The following EGFR variants were observed in gnomAD, a reference collection of about 807,000 sequenced individuals.
The protein encoded by EGFR is avian erythroblastic leukemia viral (v-erb-b) oncogene homolog.
Under a neutral mutation model 143.0 loss-of-function variants are expected in EGFR, and 58 were observed. The ratio of observed to expected loss-of-function variants is 0.41; its 90% CI spans 0.33 to 0.50. EGFR has a LOEUF of 0.50. Among genes scored for constraint, EGFR ranks in the 20% least tolerant of loss-of-function variants. The pLI, the probability that EGFR is intolerant of heterozygous loss-of-function variation, is 0.39. For synonymous variants in EGFR, 613 were observed against 594.4 expected (o/e 1.03, Z -0.45); for missense variants, 1,307 against 1,579.0 (o/e 0.83, Z 2.92).
At chr7:55,178,112 C>T (rs1786684650) in intron 19 of EGFR, among the ~76,000 whole-genome samples, 2 of 152,246 alleles carry the variant, frequency 1.3e-5, no homozygotes, top group South Asian at 4.1e-4. Context: ...GGCCCTGCAG[C>T]AGATGGGCTG....
chr7:55,186,099 C>T (rs1281870030), intron 20 of EGFR, among the ~76,000 whole-genome samples: 1 of 152,206 alleles, frequency 6.6e-6, no homozygotes, highest in Non-Finnish European at 1.5e-5. Flanking sequence ...TTCCAGGCCA[C>T]TCAGGCCTAT....
intron 1 of EGFR, among the ~76,000 whole-genome samples, chr7:55,057,806 G>A (rs1036279275): frequency 8.5e-5 from 13 of 152,176 alleles, no homozygotes; most frequent in East Asian, 3.8e-4. Context: ...TGAGGTTAGC[G>A]GAGGCAGAGG....
chr7:55,166,144 T>G (rs138332375), intron 15 of EGFR, among the ~76,000 whole-genome samples: 1 of 152,060 alleles, frequency 6.6e-6, no homozygotes, highest in East Asian at 1.9e-4. Context: ...AGAGCGAAAC[T>G]CTGTCGCAAA....
chr7:55,203,704 A>G (rs1386409995), intron 27 of EGFR, among the ~76,000 whole-genome samples: 1 of 144,722 alleles, frequency 6.9e-6, no homozygotes, highest in African/African-American at 2.5e-5. Context: ...TACACGCACC[A>G]CACATACACA....
chr7:55,141,571 T>A (rs1794462230), intron 1 of EGFR, among the ~76,000 whole-genome samples: 1 of 152,308 alleles, frequency 6.6e-6, no homozygotes, highest in East Asian at 1.9e-4. Context: ...TTTTAAATGT[T>A]GTATTTTGAT....
At chr7:55,104,829 A>C (rs1792035613) in intron 1 of EGFR, among the ~76,000 whole-genome samples, 1 of 152,212 alleles carries the variant, frequency 6.6e-6, no homozygotes, top group African/African-American at 2.4e-5. Context: ...ACGCAGTAGG[A>C]AGTGGGCAGA....
At chr7:55,086,364 C>T (rs765263953) in intron 1 of EGFR, among the ~76,000 whole-genome samples, 19 of 147,746 alleles carry the variant, frequency 1.3e-4, no homozygotes, top group Non-Finnish European at 2.5e-4. Flanking sequence ...CTCCCTTTCC[C>T]TTTGAAGAAA....
intron 1 of EGFR, among the ~76,000 whole-genome samples, chr7:55,075,139 T>G (rs1265689484): frequency 6.6e-6 from 1 of 152,118 alleles, no homozygotes; most frequent in African/African-American, 2.4e-5. Context: ...GGGCCACGGT[T>G]GCAGCCTGCA....
At position 55,087,281 on chromosome 7, in the gene EGFR, AAAC is replaced by A. The variant is rs1174862959; in HGVS notation, c.89-55002_89-55000del. 5.5e-3 allele frequency among the ~76,000 whole-genome samples: 748 copies of A among 134,960 alleles called. 8 individuals are homozygous for A. The highest frequency in any genetic ancestry group is 7.1e-3 in the Non-Finnish European group (448 of 63,016). The allele number at this position is 134,960 out of a possible 152,430, so 88.5% of individuals were successfully genotyped here. On this transcript the variant is annotated intron_variant, in intron 1 of 27. Transcript: ENST00000275493. ...AGTAGTTTCTCAATTGTTAAAAAAA[AAAC>A]AAAAAAAAAAAAACCTGTACTCTGA...
At chr7:55,045,264 C>A (rs1348038801) in intron 1 of EGFR, among the ~76,000 whole-genome samples, 3 of 152,136 alleles carry the variant, frequency 2.0e-5, no homozygotes, top group Admixed American at 2.0e-4. Context: ...ATTGCTCTCT[C>A]TTTATGTCTG....
Position 55,181,277 on chromosome 7 carries a change from C to T in EGFR, c.2284-16C>T, listed in dbSNP as rs1199922893. The stretch of plus-strand genomic sequence containing the variant: ...ACCATGCGAAGCCACACTGACGTGC[C>T]TCTCCCTCCCTCCAGGAAGCCTACG... On this transcript the variant is annotated splice_polypyrimidine_tract_variant and intron_variant, in intron 19 of 27. Transcript: ENST00000275493. 2.5e-6 allele frequency: 4 copies of T among 1,613,944 alleles called. No homozygotes were observed. Among genetic ancestry groups the T allele is most frequent in the East Asian group, 2.2e-5 (1 of 44,888 alleles).
intron 1 of EGFR, among the ~76,000 whole-genome samples, chr7:55,076,772 G>A (rs1194555268): frequency 1.3e-5 from 2 of 152,144 alleles, no homozygotes; most frequent in Admixed American, 1.3e-4. Context: ...TTCTTCGTAT[G>A]TCAGAATATA....
chr7:55,122,551 G>T (rs766386667), intron 1 of EGFR, among the ~76,000 whole-genome samples: 3 of 152,252 alleles, frequency 2.0e-5, no homozygotes, highest in African/African-American at 7.2e-5. Flanking sequence ...GGCAGCAGCC[G>T]TTCCAACCTG....
intron 1 of EGFR, among the ~76,000 whole-genome samples, chr7:55,078,126 C>A (rs1214184578): frequency 6.6e-6 from 1 of 152,150 alleles, no homozygotes; most frequent in Admixed American, 6.5e-5. Context: ...TTGCTCCTGT[C>A]CACCGTGCCG....
chr7:55,114,282 C>G (rs1490668001), intron 1 of EGFR, among the ~76,000 whole-genome samples: 1 of 152,084 alleles, frequency 6.6e-6, no homozygotes, highest in South Asian at 2.1e-4. Context: ...TAGCTCATAC[C>G]TATAATCCCA....
At chr7:55,140,098 A>T (rs1474178275) in intron 1 of EGFR, among the ~76,000 whole-genome samples, 2 of 151,948 alleles carry the variant, frequency 1.3e-5, no homozygotes, top group Non-Finnish European at 2.9e-5. Flanking sequence ...AAATAAATAA[A>T]AGCACAAGTA....
intron 3 of EGFR, among the ~76,000 whole-genome samples, chr7:55,146,174 A>G (rs188152365): frequency 5.2e-4 from 79 of 151,906 alleles, no homozygotes; most frequent in African/African-American, 1.8e-3. Flanking sequence ...TGCAAGGTGG[A>G]GCCCTGGATG....
intron 1 of EGFR, among the ~76,000 whole-genome samples, chr7:55,093,687 C>T (rs1278691206): frequency 6.6e-6 from 1 of 152,222 alleles, no homozygotes; most frequent in Non-Finnish European, 1.5e-5. Flanking sequence ...CACTTAGACT[C>T]ATTCCAATTT....
At chr7:55,165,460 C>A (rs1021386699) in intron 15 of EGFR, 23 bp downstream of exon 15, 1 of 1,587,642 alleles carries the variant, frequency 6.3e-7, no homozygotes, top group African/African-American at 1.3e-5. Flanking sequence ...TGAAGGAGAA[C>A]AGAACATTTC....
Sources: allele counts gnomAD v4.1 joint callset (sites outside exome capture counted in the v4.1 genomes callset), GRCh38; gene constraint gnomAD v4.1.1; transcripts MANE v1.5; gene names NCBI Gene and HGNC (gene_info 2026-07-23, HGNC 2026-07-21).